The following OAS3 variants were observed in gnomAD, a reference collection of about 807,000 sequenced individuals.
OAS3 encodes the protein 2'-5'-oligoadenylate synthetase 3, also known as 2'-5'-oligoadenylate synthase 3.
In OAS3, 107 loss-of-function variants were observed where a neutral mutation model predicts 113.0. The ratio of observed to expected loss-of-function variants is 0.95; its 90% CI spans 0.81 to 1.11. The LOEUF is 1.11. Ranked by LOEUF, OAS3 falls within the 50% of genes most tolerant of loss-of-function variation. The probability of loss-of-function intolerance (pLI) is 0.00; values close to 1 mark genes in which losing one functional copy is unlikely to be tolerated. For missense variants in OAS3, 1,258 were observed against 1,389.1 expected, an observed-to-expected ratio of 0.91 and a Z score of 1.50; for synonymous variants, 552 against 573.6, an observed-to-expected ratio of 0.96 and a Z score of 0.54.
chr12:112,949,059 C>T lies in OAS3; in HGVS notation c.1228C>T (p.Gln410Ter). Residue 410 changes from glutamine (Q) to a stop codon, truncating the protein, a stop_gained, in exon 6 of 16, where the codon CAG becomes TAG. Coordinates refer to ENST00000228928, the MANE Select transcript of OAS3 (RefSeq NM_006187.4). LOFTEE classifies it high-confidence loss of function. ...SVPGMALDLS[Q>*]IPTKELDRFI... Reference sequence around the variant, plus strand: ...GCCGGGAATGGCCTTGGACCTGTCTCAGATCCCCACCAAGGAGCTGGACCG... The same window carrying T: ...GCCGGGAATGGCCTTGGACCTGTCTTAGATCCCCACCAAGGAGCTGGACCG... 1.2e-6 allele frequency: 2 copies of T among 1,614,026 alleles called. No homozygotes were observed. The highest frequency in any genetic ancestry group is 1.7e-6 in the Non-Finnish European group (2 of 1,179,906).
chr12:112,950,754 TC>T lies in OAS3; in HGVS notation c.1438del (p.Leu480SerfsTer25). The part of the protein sequence containing the change: ...RDGCDVELII[F>X]LNCFTDYKDQ... ...GGCTGTGATGTTGAACTCATCATCT[TC>T]CTCAACTGCTTCACGGACTACAAGG... On this transcript the variant is annotated frameshift_variant, in exon 7 of 16. Transcript: ENST00000228928. LOFTEE classifies it high-confidence loss of function. The T allele has an allele frequency of 6.2e-7, 1 of 1,614,046 alleles. No homozygotes were observed.
rs764645229 is a variant in OAS3, at chr12:112,941,622, T to C, written c.230T>C (p.Leu77Pro). 6.2e-7 allele frequency: 1 copy of C among 1,614,018 alleles called. No homozygotes were observed. Among genetic ancestry groups the C allele is most frequent in the Middle Eastern group, 1.6e-4 (1 of 6,062 alleles). ...CTCAAGGGTGGCTGTGATTCTGAAC[T>C]TGTCATCTTCCTCGACTGCTTCAAG... is the stretch of plus-strand genomic sequence containing the variant. ...TALKGGCDSE[L>P]VIFLDCFKSY... Residue 77 changes from leucine (L) to proline (P), a missense_variant, in exon 2 of 16, where the codon CTT (leucine) becomes CCT (proline). Physicochemically the swap from Leu to Pro is moderately conservative, Grantham distance 98. Coordinates refer to ENST00000228928, the MANE Select transcript of OAS3 (RefSeq NM_006187.4).
In OAS3 at chr12:112,963,210, C is replaced by T; in HGVS notation, c.2085-103C>T. ...GGCAAGACTGAGCCAACCCTGAGGT[C>T]CTGACACTCTTTCCAGCCCTCACGC... is the stretch of plus-strand genomic sequence containing the variant. On this transcript the variant is annotated intron_variant, in intron 9 of 15. Transcript: ENST00000228928. The surrounding 1 kb of genome is among the most constrained non-coding windows in gnomAD (Gnocchi z 4.6). The T allele has an allele frequency of 7.4e-7, 1 of 1,348,988 alleles. No individual in the cohort carries two copies. The highest frequency in any genetic ancestry group is 1.5e-5 in the South Asian group (1 of 66,464). The allele number at this position is 1,348,988 out of a possible 1,614,324, so 83.6% of individuals were successfully genotyped here.
chr12:112,961,381 C>A, intron 8 of OAS3, 135 bp downstream of exon 8: 1 of 754,878 alleles, frequency 1.3e-6, no homozygotes, highest in Non-Finnish European at 2.1e-6. Context: ...GACCGGCCTC[C>A]TCCATCCTCC....
At chr12:112,964,488 C>A in intron 11 of OAS3, 80 bp downstream of exon 11, 2 of 1,442,958 alleles carry the variant, frequency 1.4e-6, no homozygotes, top group Non-Finnish European at 1.9e-6. Context: ...GCTTGACCCA[C>A]TTCCGCCCTC....
chr12:112,949,167 C>T lies in OAS3; in HGVS notation c.1336C>T (p.His446Tyr), dbSNP rs957356429. 1.6e-5 allele frequency: 26 copies of T among 1,613,250 alleles called. No homozygotes were observed. Among genetic ancestry groups the T allele is most frequent in the Non-Finnish European group, 2.2e-5 (26 of 1,179,896 alleles). ...KAIDIILRCL[H>Y]ENCVHKASRV... ...CATTGACATCATCTTGCGCTGCCTC[C>T]ATGAGAACTGTGTTCACAAGGCCTC... Residue 446 changes from histidine to tyrosine, a missense_variant, in exon 6 of 16, where the codon CAT (histidine) becomes TAT (tyrosine). Transcript: ENST00000228928.
In OAS3 at chr12:112,972,665, T is replaced by C. The variant is rs1431036432; in HGVS notation, c.*2692T>C. On this transcript the variant is annotated 3_prime_UTR_variant, in exon 16 of 16. Coordinates refer to ENST00000228928, the MANE Select transcript of OAS3 (RefSeq NM_006187.4). Reference sequence around the variant, plus strand: ...AAACAGCATGGCGCTGGTACGTAAATAGACCAATGCAGTTAGGTGGCTCTT... The same window carrying C: ...AAACAGCATGGCGCTGGTACGTAAACAGACCAATGCAGTTAGGTGGCTCTT... 3.9e-5 allele frequency: 6 copies of C among 152,166 alleles called. No individual in the cohort carries two copies. 9.4% of individuals were successfully genotyped at this position (152,166 alleles called of 1,614,324 possible).
chr12:112,952,993 AT>A (rs1307226517), intron 7 of OAS3, among the ~76,000 whole-genome samples: 1 of 151,492 alleles, frequency 6.6e-6, no homozygotes, highest in Non-Finnish European at 1.5e-5. Context: ...TTTTTCTATG[AT>A]TTTTTTATTA....
chr12:112,952,135 CT>C (rs1323918268), intron 7 of OAS3, among the ~76,000 whole-genome samples: 1 of 152,186 alleles, frequency 6.6e-6, no homozygotes, highest in African/African-American at 2.4e-5. Flanking sequence ...AAATCTCCTG[CT>C]CTGAATGGAT....
intron 14 of OAS3, among the ~76,000 whole-genome samples, chr12:112,968,444 T>A (rs1449196839): frequency 6.6e-6 from 1 of 152,200 alleles, no homozygotes; most frequent in African/African-American, 2.4e-5. Flanking sequence ...GATGCCATAT[T>A]TGAGACATAA....
intron 2 of OAS3, among the ~76,000 whole-genome samples, chr12:112,943,435 A>G (rs150504708): frequency 3.9e-5 from 6 of 152,298 alleles, no homozygotes; most frequent in African/African-American, 1.2e-4. Context: ...GGCAAGCGGT[A>G]GCAGCAACCT....
intron 7 of OAS3, 95 bp downstream of exon 7, chr12:112,951,070 C>T (rs1443231050): frequency 7.7e-7 from 1 of 1,297,882 alleles, no homozygotes; most frequent in Non-Finnish European, 1.0e-6. Flanking sequence ...TCCTAATTCT[C>T]CTACTTGACC....
intron 6 of OAS3, among the ~76,000 whole-genome samples, chr12:112,950,364 T>G (rs766553837): frequency 1.3e-5 from 2 of 152,242 alleles, no homozygotes; most frequent in Non-Finnish European, 2.9e-5. Context: ...GGCCCAGATG[T>G]GCAGTCAGTA....
chr12:112,966,337 C>T (rs1393413732), intron 12 of OAS3, among the ~76,000 whole-genome samples: 2 of 152,206 alleles, frequency 1.3e-5, no homozygotes, highest in Non-Finnish European at 2.9e-5. Context: ...GTGTCTTTAT[C>T]TCACATCTGA....
chr12:112,948,854 C>T lies in OAS3; in HGVS notation c.1030-7C>T. On this transcript the variant is annotated splice_polypyrimidine_tract_variant and splice_region_variant and intron_variant, in intron 5 of 15. Coordinates refer to ENST00000228928, the MANE Select transcript of OAS3 (RefSeq NM_006187.4). ...TGGCTGAGGCAGCTCCTTCAATGAC[C>T]TTCCAGGGCCTTCCACGTGCTGGAT... The T allele has an allele frequency of 6.5e-7, 1 of 1,548,782 alleles. No homozygotes were observed. The highest frequency in any genetic ancestry group is 1.4e-5 in the African/African-American group (1 of 73,042).
intron 2 of OAS3, 44 bp downstream of exon 2, chr12:112,941,896 A>G (rs958267762): frequency 6.2e-7 from 1 of 1,612,996 alleles, no homozygotes; most frequent in Non-Finnish European, 8.5e-7. Flanking sequence ...GCAAAAGATC[A>G]TTGGGAACAA....
At chr12:112,959,222 G>A (rs1314024542) in intron 7 of OAS3, among the ~76,000 whole-genome samples, 2 of 152,148 alleles carry the variant, frequency 1.3e-5, no homozygotes, top group African/African-American at 2.4e-5. Context: ...GGAGTGTCTC[G>A]ATTTTCCAGG....
chr12:112,970,266 C>A lies in OAS3; in HGVS notation c.*293C>A. ...CTTCCATGACTCTATCCTCATACCA[C>A]CACTGCTGCTTCCCACCCAGCTGAG... On this transcript the variant is annotated 3_prime_UTR_variant, in exon 16 of 16. Coordinates refer to ENST00000228928, the MANE Select transcript of OAS3 (RefSeq NM_006187.4). 1 of 495,446 alleles carries A rather than the reference C, an allele frequency of 2.0e-6. No homozygotes were observed. Among genetic ancestry groups the A allele is most frequent in the East Asian group, 3.6e-5 (1 of 27,916 alleles). The allele number at this position is 495,446 out of a possible 1,614,324, so 30.7% of individuals were successfully genotyped here.
intron 7 of OAS3, among the ~76,000 whole-genome samples, chr12:112,953,181 C>A (rs1391915312): frequency 1.3e-5 from 2 of 152,036 alleles, no homozygotes; most frequent in Admixed American, 6.5e-5. Flanking sequence ...TGTTCCCCAC[C>A]CCGTGTCCAA....
Sources: allele counts gnomAD v4.1 joint callset (sites outside exome capture counted in the v4.1 genomes callset), GRCh38; gene constraint gnomAD v4.1.1; non-coding constraint Gnocchi (gnomAD v3.1); transcripts MANE v1.5; gene names NCBI Gene and HGNC (gene_info 2026-07-23, HGNC 2026-07-21).